Variants in SLC15A1 observed in about 807,000 individuals in gnomAD.
SLC15A1 encodes solute carrier family 15 member 1, also known as Caco-2 oligopeptide transporter.
SLC15A1 carries 83 observed loss-of-function variants against 92.9 expected under a neutral mutation model. That is an observed-to-expected ratio of 0.89 (90% CI 0.75 to 1.07). The LOEUF is 1.07. Ranked by LOEUF, SLC15A1 falls within the 50% of genes least tolerant of loss-of-function variation. The probability of loss-of-function intolerance (pLI) is 0.00; values close to 1 mark genes in which losing one functional copy is unlikely to be tolerated. For missense variants in SLC15A1, 857 were observed against 880.1 expected (o/e 0.97, Z 0.33); for synonymous variants, 322 against 318.2 (o/e 1.01, Z -0.13).
intron 1 of SLC15A1, among the ~76,000 whole-genome samples, chr13:98,734,165 C>G (rs2088371808): frequency 1.3e-5 from 2 of 152,102 alleles, no homozygotes; most frequent in South Asian, 4.1e-4. Context: ...GGGGTTTCAC[C>G]ATGTTGGCCA....
chr13:98,713,921 T>C (rs1434908216), intron 9 of SLC15A1, among the ~76,000 whole-genome samples: 1 of 151,882 alleles, frequency 6.6e-6, no homozygotes, highest in African/African-American at 2.4e-5. Flanking sequence ...GTAGTGTACG[T>C]CTATAGTCTC....
At chr13:98,750,001 T>A (rs939832044) in intron 1 of SLC15A1, among the ~76,000 whole-genome samples, 3 of 152,062 alleles carry the variant, frequency 2.0e-5, no homozygotes, top group Admixed American at 6.5e-5. Context: ...ATTTCCTACC[T>A]GGGGCTTTCC....
intron 1 of SLC15A1, among the ~76,000 whole-genome samples, chr13:98,740,424 C>T (rs1443690882): frequency 3.9e-5 from 6 of 152,154 alleles, no homozygotes; most frequent in Non-Finnish European, 5.9e-5. Flanking sequence ...CTCCTAGGCC[C>T]GGCATTCAAG....
chr13:98,734,031 T>A (rs1211267348), intron 1 of SLC15A1, among the ~76,000 whole-genome samples: 1 of 151,622 alleles, frequency 6.6e-6, no homozygotes. Context: ...AGTGGTGCAA[T>A]CTCAGCTCAC....
intron 16 of SLC15A1, among the ~76,000 whole-genome samples, 170 bp downstream of exon 16, chr13:98,705,964 T>C (rs1286805017): frequency 1.3e-5 from 2 of 151,836 alleles, no homozygotes; most frequent in Admixed American, 1.3e-4. Context: ...ACAAACAACA[T>C]AGTGTGGAGC....
chr13:98,712,698 T>C lies in SLC15A1; in HGVS notation c.724-114A>G, dbSNP rs2088174057. 4.5e-6 allele frequency: 3 copies of C among 663,744 alleles called. No homozygotes were observed. The South Asian group carries it at 5.7e-5, about 13-fold the overall frequency. 41.1% of individuals were successfully genotyped at this position (663,744 alleles called of 1,614,324 possible). On this transcript the variant is annotated intron_variant, in intron 9 of 22. Transcript: ENST00000376503. Reference sequence around the variant, plus strand: ...AAATATACGTGTGAGAAAAGCAAAATATACAATTGTATCTACTAGTATATG... The same window carrying C: ...AAATATACGTGTGAGAAAAGCAAAACATACAATTGTATCTACTAGTATATG...
At chr13:98,695,872 C>T (rs931593439) in intron 18 of SLC15A1, among the ~76,000 whole-genome samples, 3 of 152,116 alleles carry the variant, frequency 2.0e-5, no homozygotes, top group African/African-American at 2.4e-5. Flanking sequence ...TGAGATTCTC[C>T]GTTGTTCTAT....
At chr13:98,686,079 G>T in intron 22 of SLC15A1, 111 bp downstream of exon 22, 2 of 764,828 alleles carry the variant, frequency 2.6e-6, no homozygotes, top group Non-Finnish European at 4.5e-6. Context: ...GTTTAATCCA[G>T]CTATTAGCCT....
intron 1 of SLC15A1, among the ~76,000 whole-genome samples, chr13:98,741,170 CA>C (rs2088440756): frequency 6.6e-6 from 1 of 152,216 alleles, no homozygotes; most frequent in African/African-American, 2.4e-5. Context: ...CCACTCAATC[CA>C]ATCAGAAAAA....
chr13:98,691,847 G>C (rs2087981627), intron 18 of SLC15A1, among the ~76,000 whole-genome samples: 1 of 152,138 alleles, frequency 6.6e-6, no homozygotes, highest in African/African-American at 2.4e-5. Context: ...GCCGAGGTGG[G>C]CAGATCATCT....
intron 8 of SLC15A1, among the ~76,000 whole-genome samples, chr13:98,718,404 C>T (rs1243996572): frequency 6.1e-5 from 9 of 146,740 alleles, no homozygotes; most frequent in African/African-American, 2.0e-4. Flanking sequence ...ACTGCAGCCT[C>T]GACCTCCCAG....
chr13:98,692,332 T>C (rs138865117), intron 18 of SLC15A1, among the ~76,000 whole-genome samples: 2 of 151,938 alleles, frequency 1.3e-5, no homozygotes, highest in Non-Finnish European at 2.9e-5. Context: ...TTTTAAATTC[T>C]TATATTTGCA....
intron 1 of SLC15A1, among the ~76,000 whole-genome samples, chr13:98,728,565 A>G (rs2088321007): frequency 2.0e-5 from 3 of 152,310 alleles, no homozygotes; most frequent in African/African-American, 7.2e-5. Flanking sequence ...TGGGAAGGGT[A>G]GGTGAAGGTG....
intron 1 of SLC15A1, among the ~76,000 whole-genome samples, chr13:98,744,346 T>G (rs2088474889): frequency 6.6e-6 from 1 of 151,792 alleles, no homozygotes; most frequent in African/African-American, 2.4e-5. Flanking sequence ...ACAGACTTTT[T>G]TTTTTTTTAA....
chr13:98,744,180 G>A (rs753096591), intron 1 of SLC15A1, among the ~76,000 whole-genome samples: 5 of 146,192 alleles, frequency 3.4e-5, no homozygotes, highest in Non-Finnish European at 7.4e-5. Flanking sequence ...GGTCAAGGCT[G>A]CAGTGACCTG....
intron 17 of SLC15A1, among the ~76,000 whole-genome samples, chr13:98,703,666 C>T (rs894782592): frequency 2.7e-5 from 4 of 150,240 alleles, no homozygotes; most frequent in Admixed American, 6.7e-5. Flanking sequence ...AAGCAATCCT[C>T]GCACCCCAGC....
intron 8 of SLC15A1, among the ~76,000 whole-genome samples, chr13:98,718,894 C>T (rs1385222151): frequency 6.6e-6 from 1 of 152,168 alleles, no homozygotes; most frequent in Non-Finnish European, 1.5e-5. Flanking sequence ...CTCAAGGGAT[C>T]CCCCTGCCTT....
intron 1 of SLC15A1, among the ~76,000 whole-genome samples, chr13:98,735,129 G>T (rs768975883): frequency 1.3e-5 from 2 of 152,172 alleles, no homozygotes; most frequent in Non-Finnish European, 2.9e-5. Context: ...ACATCAAAAA[G>T]CTTATCCACC....
intron 7 of SLC15A1, 47 bp from the exon 8 acceptor site, chr13:98,719,367 G>T: frequency 7.5e-7 from 1 of 1,337,532 alleles, no homozygotes. Flanking sequence ...TTGGTAATGA[G>T]CATATAGTTC....
Sources: allele counts gnomAD v4.1 joint callset (sites outside exome capture counted in the v4.1 genomes callset), GRCh38; gene constraint gnomAD v4.1.1; transcripts MANE v1.5; gene names NCBI Gene and HGNC (gene_info 2026-07-23, HGNC 2026-07-21).